Variants in PTPRM observed in about 807,000 individuals in gnomAD.
PTPRM encodes the protein receptor-type tyrosine-protein phosphatase mu.
Under a neutral mutation model 186.7 loss-of-function variants are expected in PTPRM, and 47 were observed. The ratio of observed to expected loss-of-function variants is 0.25; its 90% CI spans 0.20 to 0.32. The LOEUF (loss-of-function observed/expected upper bound fraction) is 0.32, where lower values mean the gene tolerates loss of function less well. PTPRM is among the 10% of genes least tolerant of loss of function. The pLI is 1.00. For synonymous variants in PTPRM, 668 were observed against 674.9 expected (o/e 0.99, Z 0.16); for missense variants, 1,494 against 1,865.0 (o/e 0.80, Z 3.66).
intron 2 of PTPRM, among the ~76,000 whole-genome samples, chr18:7,861,191 T>A (rs2047361687): frequency 6.6e-6 from 1 of 152,224 alleles, no homozygotes; most frequent in Non-Finnish European, 1.5e-5. Context: ...GAGTTCTACA[T>A]GGCTGAATGT....
chr18:7,972,513 G>GA (rs11463155), intron 7 of PTPRM, among the ~76,000 whole-genome samples: 25,417 of 65,698 alleles, frequency 0.39, 3,987 homozygotes, highest in East Asian at 0.6. Flanking sequence ...ACATGGAATA[G>GA]AAAAAAAAAA....
intron 2 of PTPRM, among the ~76,000 whole-genome samples, chr18:7,802,865 TG>T (rs1181937153): frequency 2.9e-4 from 44 of 152,272 alleles, no homozygotes; most frequent in African/African-American, 1.0e-3. Flanking sequence ...TATACTCAAA[TG>T]TAAAAAAACT....
Position 7,568,043 on chromosome 18 carries a change from G to T in PTPRM, c.73+152G>T. On this transcript the variant is annotated intron_variant, in intron 1 of 32. Coordinates refer to ENST00000580170, the MANE Select transcript of PTPRM (RefSeq NM_001105244.2). This position sits in a 1 kb window ranked among gnomAD's most constrained non-coding sequence, Gnocchi z 5.1. ...CGGACACCGCTTCTGCCTGTGAGCC[G>T]GGCGCTGGGCGAGGGGCCGTGGGGC... 1 of 723,338 alleles carries T rather than the reference G, an allele frequency of 1.4e-6. No homozygotes were observed. The highest frequency in any genetic ancestry group is 1.9e-6 in the Non-Finnish European group (1 of 514,326). The allele number at this position is 723,338 out of a possible 1,614,324, so 44.8% of individuals were successfully genotyped here.
chr18:8,367,020 C>G (rs1339108463), intron 23 of PTPRM: 1 of 152,260 alleles, frequency 6.6e-6, no homozygotes, highest in Non-Finnish European at 1.5e-5. Flanking sequence ...TCCAGCATCT[C>G]TGTATGCAGA....
chr18:8,140,676 G>A (rs566549452), intron 13 of PTPRM, among the ~76,000 whole-genome samples: 3 of 151,996 alleles, frequency 2.0e-5, no homozygotes, highest in African/African-American at 7.3e-5. Context: ...CAATGAATAC[G>A]ATACAGTAGC....
intron 1 of PTPRM, among the ~76,000 whole-genome samples, chr18:7,691,114 TA>T (rs1233438066): frequency 2.0e-5 from 3 of 152,174 alleles, no homozygotes; most frequent in East Asian, 1.9e-4. Flanking sequence ...GTTTTGATTT[TA>T]TTTTTTTTTA....
At chr18:7,988,184 T>TATC (rs911912762) in intron 7 of PTPRM, among the ~76,000 whole-genome samples, 1 of 151,912 alleles carries the variant, frequency 6.6e-6, no homozygotes, top group African/African-American at 2.4e-5. Context: ...GGGGATCTGT[T>TATC]ATCATGTTCA....
At chr18:7,998,333 C>G (rs528480409) in intron 7 of PTPRM, among the ~76,000 whole-genome samples, 139 of 152,118 alleles carry the variant, frequency 9.1e-4, no homozygotes, top group African/African-American at 3.1e-3. Flanking sequence ...AAAAGTTGAT[C>G]TCATGGAGTT....
At chr18:8,304,065 T>C (rs2095192161) in intron 20 of PTPRM, among the ~76,000 whole-genome samples, 1 of 152,222 alleles carries the variant, frequency 6.6e-6, no homozygotes, top group Non-Finnish European at 1.5e-5. Flanking sequence ...TTACCTTATA[T>C]ATGTCACCAG....
chr18:7,878,200 T>A (rs756203999), intron 2 of PTPRM, among the ~76,000 whole-genome samples: 1 of 152,220 alleles, frequency 6.6e-6, no homozygotes, highest in Non-Finnish European at 1.5e-5. Context: ...TTCATATTAT[T>A]TGCTAATTAT....
At chr18:8,288,924 A>G (rs1483462795) in intron 19 of PTPRM, among the ~76,000 whole-genome samples, 1 of 152,186 alleles carries the variant, frequency 6.6e-6, no homozygotes, top group Non-Finnish European at 1.5e-5. Flanking sequence ...GGACTGTGCC[A>G]CTGAACTGGC....
chr18:7,838,123 A>G (rs889308276), intron 2 of PTPRM, among the ~76,000 whole-genome samples: 2 of 152,306 alleles, frequency 1.3e-5, no homozygotes, highest in African/African-American at 2.4e-5. Flanking sequence ...TCATTGACTC[A>G]CAGGTACACA....
At chr18:7,630,467 G>A (rs1166887745) in intron 1 of PTPRM, among the ~76,000 whole-genome samples, 1 of 152,182 alleles carries the variant, frequency 6.6e-6, no homozygotes, top group Non-Finnish European at 1.5e-5. Flanking sequence ...GGACCAGAGA[G>A]AGTGATTATG....
intron 14 of PTPRM, among the ~76,000 whole-genome samples, chr18:8,225,757 C>T (rs145624680): frequency 1.4e-4 from 21 of 152,164 alleles, no homozygotes; most frequent in Non-Finnish European, 2.2e-4. Flanking sequence ...GGGTAGGGAA[C>T]GTCCTAAAAT....
intron 23 of PTPRM, among the ~76,000 whole-genome samples, chr18:8,348,833 T>C (rs1251909373): frequency 6.6e-6 from 1 of 152,180 alleles, no homozygotes; most frequent in Non-Finnish European, 1.5e-5. Flanking sequence ...CCAAATGAGG[T>C]CTCACAGTCA....
chr18:7,640,125 A>G (rs2038411359), intron 1 of PTPRM, among the ~76,000 whole-genome samples: 1 of 152,158 alleles, frequency 6.6e-6, no homozygotes, highest in South Asian at 2.1e-4. Flanking sequence ...TGAGGGGGAA[A>G]TCATACTTAA....
At chr18:7,860,079 A>AT (rs536051040) in intron 2 of PTPRM, among the ~76,000 whole-genome samples, 11,555 of 147,822 alleles carry the variant, frequency 0.078, 539 homozygotes, top group Admixed American at 0.15. Context: ...TTTTTATTTT[A>AT]TTTTTTTTTT....
intron 7 of PTPRM, among the ~76,000 whole-genome samples, chr18:7,984,831 A>T (rs905765950): frequency 7.3e-6 from 1 of 136,750 alleles, no homozygotes; most frequent in Non-Finnish European, 1.5e-5. Flanking sequence ...ACACATATAT[A>T]AATATATACA....
chr18:8,027,230 A>C (rs1477298476), intron 7 of PTPRM, among the ~76,000 whole-genome samples: 1 of 152,244 alleles, frequency 6.6e-6, no homozygotes, highest in African/African-American at 2.4e-5. Flanking sequence ...CTTAAGGATT[A>C]GCCTTTCAGG....
Sources: allele counts gnomAD v4.1 joint callset (sites outside exome capture counted in the v4.1 genomes callset), GRCh38; gene constraint gnomAD v4.1.1; non-coding constraint Gnocchi (gnomAD v3.1); transcripts MANE v1.5; gene names NCBI Gene and HGNC (gene_info 2026-07-23, HGNC 2026-07-21).